Variants in MFN1 observed in about 807,000 individuals in gnomAD.
MFN1 encodes the protein mitofusin 1, also known as mitofusin-1.
In MFN1, 65 loss-of-function variants were observed where a neutral mutation model predicts 92.4. The observed-to-expected ratio is 0.70, with a 90% CI of 0.58 to 0.86. MFN1 has a LOEUF of 0.86. Ranked by LOEUF, MFN1 falls within the 40% of genes least tolerant of loss-of-function variation. The pLI is 0.00. For missense variants in MFN1, 781 were observed against 868.0 expected (o/e 0.90, Z 1.26); for synonymous variants, 297 against 300.9 (o/e 0.99, Z 0.13).
intron 1 of MFN1, 131 bp from the exon 2 acceptor site, chr3:179,348,712 AAG>A: frequency 7.3e-7 from 1 of 1,364,470 alleles, no homozygotes; most frequent in Non-Finnish European, 9.7e-7. Flanking sequence ...ACTCCCAAAA[AAG>A]AATTACCTAA....
At chr3:179,371,975 A>G (rs1713036716) in intron 9 of MFN1, among the ~76,000 whole-genome samples, 1 of 150,038 alleles carries the variant, frequency 6.7e-6, no homozygotes, top group Non-Finnish European at 1.5e-5. Context: ...ATAAAAATAT[A>G]TGCCTCTCTT....
chr3:179,371,518 A>C (rs1713023019), intron 9 of MFN1, among the ~76,000 whole-genome samples: 2 of 152,232 alleles, frequency 1.3e-5, no homozygotes, highest in Admixed American at 1.3e-4. Flanking sequence ...TCTTTCAAAA[A>C]AAAGGAAGAA....
intron 3 of MFN1, among the ~76,000 whole-genome samples, chr3:179,353,163 C>G (rs1163791385): frequency 2.0e-5 from 3 of 151,516 alleles, no homozygotes; most frequent in African/African-American, 7.3e-5. Context: ...AAGCAATTCT[C>G]CTGCCTCAGC....
At chr3:179,385,433 C>A in intron 14 of MFN1, 136 bp from the exon 15 acceptor site, 1 of 617,076 alleles carries the variant, frequency 1.6e-6, no homozygotes, top group Non-Finnish European at 2.6e-6. Flanking sequence ...TTATTTTCTA[C>A]ATATATTTGT....
chr3:179,392,203 ATCTG>A lies in MFN1; in HGVS notation c.*148_*151del, dbSNP rs1324590404. ...AAGCCCTGTGTAGATTCTGGTAATG[ATCTG>A]TCTCAGGGTATGTGTATTTTTGAAG... On this transcript the variant is annotated 3_prime_UTR_variant, in exon 18 of 18. Transcript: ENST00000471841. 11 of 588,304 alleles carry A rather than the reference ATCTG, an allele frequency of 1.9e-5. No homozygotes were observed. Among genetic ancestry groups the A allele is most frequent in the Non-Finnish European group, 3.1e-5 (10 of 327,858 alleles). The allele number at this position is 588,304 out of a possible 1,614,324, so 36.4% of individuals were successfully genotyped here. A position where few individuals can be genotyped will look rare whatever the true frequency, so the allele number is the denominator to read the frequency against.
chr3:179,369,842 C>T (rs1712952578), intron 9 of MFN1, among the ~76,000 whole-genome samples: 1 of 152,070 alleles, frequency 6.6e-6, no homozygotes, highest in South Asian at 2.1e-4. Flanking sequence ...ATGTTTTATT[C>T]TAATGGTCCA....
chr3:179,386,482 A>G lies in MFN1; in HGVS notation c.1865A>G (p.Tyr622Cys), dbSNP rs186960036. The change falls in exon 16 of 18, where the codon TAT (tyrosine) becomes TGT (cysteine). Residue 622 changes from tyrosine (Y) to cysteine (C), a missense_variant. By Grantham distance (194) the Tyr-to-Cys change is radical. Transcript: ENST00000471841. ...WKLLSVSLTM[Y>C]GALYLYERLS... ...CTCCTATCTGTTTCATTAACTATGTATGGAGCTTTGTATCTTTATGAAAGA... is the reference window on the plus strand; with the variant it reads ...CTCCTATCTGTTTCATTAACTATGTGTGGAGCTTTGTATCTTTATGAAAGA... 7 of 1,613,930 alleles carry G rather than the reference A, an allele frequency of 4.3e-6. No individual in the cohort carries two copies. The highest frequency in any genetic ancestry group is 1.7e-4 in the Middle Eastern group (1 of 6,052).
At chr3:179,348,658 G>A (rs1712015273) in intron 1 of MFN1, 187 bp from the exon 2 acceptor site, 3 of 791,258 alleles carry the variant, frequency 3.8e-6, no homozygotes, top group Admixed American at 3.4e-5. Flanking sequence ...ACTTATTTTA[G>A]TGAAATATCA....
intron 10 of MFN1, among the ~76,000 whole-genome samples, chr3:179,375,961 A>G (rs6808599): frequency 2.6e-3 from 401 of 152,358 alleles, no homozygotes; most frequent in African/African-American, 9.3e-3. Context: ...TGCTTGAAAC[A>G]CAGATCGGGA....
chr3:179,380,323 G>A (rs1713417709), intron 14 of MFN1, among the ~76,000 whole-genome samples: 1 of 152,174 alleles, frequency 6.6e-6, no homozygotes. Flanking sequence ...CAAGAATAAA[G>A]GATGCAAAGA....
At chr3:179,359,984 T>C (rs1712509985) in intron 4 of MFN1, 2 of 152,090 alleles carry the variant, frequency 1.3e-5, no homozygotes, top group Admixed American at 1.3e-4. Context: ...AATGGCACGA[T>C]ATTGGCTAGC....
At chr3:179,379,321 GGT>G (rs1713376687) in intron 14 of MFN1, among the ~76,000 whole-genome samples, 1 of 152,092 alleles carries the variant, frequency 6.6e-6, no homozygotes, top group African/African-American at 2.4e-5. Flanking sequence ...TCTTTTCTCT[GGT>G]GTAAAGATAC....
chr3:179,378,797 T>C lies in MFN1; in HGVS notation c.1645T>C (p.Ser549Pro), dbSNP rs1474125131. The C allele has an allele frequency of 1.9e-6, 3 of 1,611,776 alleles. No homozygotes were observed. The highest frequency in any genetic ancestry group is 2.5e-6 in the Non-Finnish European group (3 of 1,178,036). Residue 549 changes from serine to proline, a missense_variant, in exon 14 of 18, where the codon TCA becomes CCA. By Grantham distance (74) the Ser-to-Pro change is moderately conservative (BLOSUM62 -1). Coordinates refer to ENST00000471841, the MANE Select transcript of MFN1 (RefSeq NM_033540.3). Reference protein sequence around the residue: ...RNAQRVLLGLSEPIFQLPRSL... With the variant: ...RNAQRVLLGLPEPIFQLPRSL... Reference sequence around the variant, plus strand: ...TGCTCAAAGGGTGCTCCTAGGATTATCAGAGCCTATCTTTCAGGTATGTAT... The same window carrying C: ...TGCTCAAAGGGTGCTCCTAGGATTACCAGAGCCTATCTTTCAGGTATGTAT...
At chr3:179,382,223 C>T (rs987718461) in intron 14 of MFN1, among the ~76,000 whole-genome samples, 25 of 152,184 alleles carry the variant, frequency 1.6e-4, no homozygotes, top group African/African-American at 6.0e-4. Context: ...CCTCCTCCTT[C>T]CTCCCATCCC....
intron 16 of MFN1, among the ~76,000 whole-genome samples, chr3:179,387,804 C>T (rs1713749695): frequency 6.7e-6 from 1 of 150,248 alleles, no homozygotes; most frequent in African/African-American, 2.4e-5. Flanking sequence ...TCTCGGCTCA[C>T]CACAACCTCC....
At chr3:179,373,185 A>G (rs1427642938) in intron 9 of MFN1, among the ~76,000 whole-genome samples, 1 of 152,198 alleles carries the variant, frequency 6.6e-6, no homozygotes. Context: ...TAGCTAAATA[A>G]TCTGTTTTGT....
Position 179,386,580 on chromosome 3 carries a change from A to C in MFN1, c.1963A>C (p.Arg655=), listed in dbSNP as rs1390266589. The stretch of plus-strand genomic sequence containing the variant: ...TGTAAACTATGCAACTGAAAAACTG[A>C]GGATGATTGTTAGCTCCACGAGTGC... The part of the protein sequence containing the change: ...QFVNYATEKL[R]MIVSSTSANC... Residue 655 remains arginine (R), a synonymous_variant, in exon 16 of 18, where the codon AGG becomes CGG. Coordinates refer to ENST00000471841, the MANE Select transcript of MFN1 (RefSeq NM_033540.3). The C allele has an allele frequency of 2.5e-6, 4 of 1,614,138 alleles. No individual in the cohort carries two copies. The highest frequency in any genetic ancestry group is 3.4e-6 in the Non-Finnish European group (4 of 1,180,002).
At chr3:179,353,333 T>G (rs1219721622) in intron 3 of MFN1, among the ~76,000 whole-genome samples, 4 of 151,826 alleles carry the variant, frequency 2.6e-5, no homozygotes, top group African/African-American at 9.7e-5. Context: ...CCCAAAGTGC[T>G]GGGATTACAG....
At chr3:179,372,015 A>T (rs1344549) in intron 9 of MFN1, among the ~76,000 whole-genome samples, 25,530 of 147,672 alleles carry the variant, frequency 0.17, 2,296 homozygotes, top group Admixed American at 0.23. Context: ...CATTTTATAT[A>T]TTCATTGCAA....
Sources: gnomAD v4.1 joint callset for allele counts (sites outside exome capture counted in the v4.1 genomes callset) on GRCh38, gnomAD v4.1.1 for gene constraint, MANE v1.5 for transcripts, NCBI Gene and HGNC (gene_info 2026-07-23, HGNC 2026-07-21) for gene names.